The following NEURL3 variants were observed in gnomAD, a reference collection of about 807,000 sequenced individuals.
NEURL3 encodes the protein E3 ubiquitin-protein ligase NEURL3.
NEURL3 carries 19 observed loss-of-function variants against 17.6 expected under a neutral mutation model. The observed-to-expected ratio is 1.08, with a 90% CI of 0.75 to 1.58. The LOEUF (loss-of-function observed/expected upper bound fraction) is 1.58. Ranked by LOEUF, NEURL3 falls within the 40% of genes most tolerant of loss-of-function variation. NEURL3 has a pLI of 0.00. For missense variants in NEURL3, 342 were observed against 379.6 expected, an observed-to-expected ratio of 0.90 and a Z score of 0.82; for synonymous variants, 180 against 161.4, an observed-to-expected ratio of 1.11 and a Z score of -0.87.
chr2:96,504,877 C>CAAAAAAAAAAAAAAAAAAAAAAAAAAAA (rs1157285400), intron 1 of NEURL3, among the ~76,000 whole-genome samples: 3 of 55,286 alleles, frequency 5.4e-5, no homozygotes, highest in East Asian at 7.8e-4. Context: ...GACTCCGTCT[C>CAAAAAAAAAAAAAAAAAAAAAAAAAAAA]AAAAAAAAAA....
chr2:96,499,840 A>G, intron 2 of NEURL3: 1 of 197,818 alleles, frequency 5.1e-6, no homozygotes, highest in Non-Finnish European at 1.0e-5. Flanking sequence ...TTCAGGTGTG[A>G]GGCGCTGGCA....
In NEURL3 at chr2:96,498,266, A is replaced by G. The variant is rs375849675; in HGVS notation, c.767T>C (p.Leu256Pro). 11 of 1,571,016 alleles carry G rather than the reference A, an allele frequency of 7.0e-6. No homozygotes were observed. Among genetic ancestry groups the G allele is most frequent in the Admixed American group, 3.6e-5 (2 of 55,624 alleles). ...CTTTCATGAGCCTTCCTCAACCCTC[A>G]GAGCAGGAGGGCCCTGCGCAGGGGC... is the stretch of plus-strand genomic sequence containing the variant. The part of the protein sequence containing the change: ...AVAPAQGPPA[L>P]RVEEGS Residue 256 changes from leucine (L) to proline (P), a missense_variant, in exon 4 of 4, where the codon CTG (leucine) becomes CCG (proline). Physicochemically the swap from Leu to Pro is moderately conservative, Grantham distance 98. Coordinates refer to ENST00000451794, the MANE Select transcript of NEURL3 (RefSeq NM_001285485.2). The surrounding 1 kb of genome is among the most constrained non-coding windows in gnomAD (Gnocchi z 4.4).
intron 1 of NEURL3, among the ~76,000 whole-genome samples, chr2:96,502,660 G>A (rs1177801859): frequency 6.6e-6 from 1 of 152,272 alleles, no homozygotes; most frequent in Non-Finnish European, 1.5e-5. Flanking sequence ...CCTTTGGCTG[G>A]GTCACTGCCC....
rs1024088377 is a variant in NEURL3 at position 96,498,839 on chromosome 2, G to A, written c.587-393C>T. 4.6e-5 allele frequency among the ~76,000 whole-genome samples: 7 copies of A among 152,094 alleles called. No homozygotes were observed. The highest frequency in any genetic ancestry group is 7.4e-5 in the Non-Finnish European group (5 of 68,024). ...GTCATCCAGGCTGGAGTGCAGTGGT[G>A]TGATCACAGCTCACTGCAGCCTCAG... is the stretch of plus-strand genomic sequence containing the variant. On this transcript the variant is annotated intron_variant, in intron 3 of 3. Transcript: ENST00000451794. The surrounding 1 kb of genome is among the most constrained non-coding windows in gnomAD (Gnocchi z 4.4).
chr2:96,503,436 T>G (rs1189028391), intron 1 of NEURL3, among the ~76,000 whole-genome samples: 2 of 152,168 alleles, frequency 1.3e-5, no homozygotes, highest in South Asian at 4.1e-4. Context: ...TCCTCTGTGC[T>G]GCTCACTCAG....
chr2:96,500,954 C>A, intron 1 of NEURL3, 30 bp from the exon 2 acceptor site: 1 of 1,523,930 alleles, frequency 6.6e-7, no homozygotes, highest in Non-Finnish European at 8.7e-7. Flanking sequence ...AGTGTCAGTG[C>A]TAACCGGGTC....
chr2:96,497,968 AT>A lies in NEURL3; in HGVS notation c.*275del. 2.3e-6 allele frequency: 1 copy of A among 433,026 alleles called. No individual in the cohort carries two copies. The highest frequency in any genetic ancestry group is 4.1e-6 in the Non-Finnish European group (1 of 241,588). 26.8% of individuals were successfully genotyped at this position (433,026 alleles called of 1,614,324 possible). Reference sequence around the variant, plus strand: ...CTGAACTCCCTCAGATGTAAAACTGATTGGGGATTGGGCCACCCCATCTCTA... The same window carrying A: ...CTGAACTCCCTCAGATGTAAAACTGATGGGGATTGGGCCACCCCATCTCTA... On this transcript the variant is annotated 3_prime_UTR_variant, in exon 4 of 4. Coordinates refer to ENST00000451794, the MANE Select transcript of NEURL3 (RefSeq NM_001285485.2).
intron 1 of NEURL3, among the ~76,000 whole-genome samples, chr2:96,502,173 A>ACCCCTC (rs1248668092): frequency 6.6e-6 from 1 of 151,738 alleles, no homozygotes; most frequent in Non-Finnish European, 1.5e-5. Flanking sequence ...ATCCGCATTC[A>ACCCCTC]CCCCTCGCCT....
Position 96,500,472 on chromosome 2 carries a change from C to G in NEURL3, c.481G>C (p.Val161Leu), listed in dbSNP as rs772987796. ...VGAPLWAVMD[V>L]YGTTKAIELL... ...TCGATGGCCTTAGTGGTCCCATACACGTCCATCACGGCCCAGAGCGGGGCG... is the reference window on the plus strand; with the variant it reads ...TCGATGGCCTTAGTGGTCCCATACAGGTCCATCACGGCCCAGAGCGGGGCG... The change falls in exon 2 of 4, where the codon GTG becomes CTG. Residue 161 changes from valine (V) to leucine (L), a missense_variant. Val to Leu is a conservative substitution (Grantham distance 32, BLOSUM62 1). Transcript: ENST00000451794. 5.0e-6 allele frequency: 8 copies of G among 1,596,868 alleles called. No homozygotes were observed. Among genetic ancestry groups the G allele is most frequent in the Non-Finnish European group, 5.9e-6 (7 of 1,179,114 alleles).
chr2:96,498,633 T>TATTCCA lies in NEURL3; in HGVS notation c.587-193_587-188dup, dbSNP rs1327858578. Among the ~76,000 whole-genome samples, 1 of 152,140 alleles carries TATTCCA rather than the reference T, an allele frequency of 6.6e-6. No homozygotes were observed. Among genetic ancestry groups the TATTCCA allele is most frequent in the Non-Finnish European group, 1.5e-5 (1 of 68,032 alleles). On this transcript the variant is annotated intron_variant, in intron 3 of 3. Coordinates refer to ENST00000451794, the MANE Select transcript of NEURL3 (RefSeq NM_001285485.2). This position sits in a 1 kb window ranked among gnomAD's most constrained non-coding sequence, Gnocchi z 4.4. ...AAGAAAACCATTTTTTATATACATA[T>TATTCCA]ATTCCAATTCCAATTTAGAGAGAAG...
At position 96,500,608 on chromosome 2, in the gene NEURL3, G is replaced by A; in HGVS notation, c.345C>T (p.Gly115=). Residue 115 remains glycine, a synonymous_variant, in exon 2 of 4, where the codon GGC becomes GGT. Coordinates refer to ENST00000451794, the MANE Select transcript of NEURL3 (RefSeq NM_001285485.2). ...GGACCAAGTCCCCAGTGAGCGCGCA[G>A]CCCTCAGGCAGCACGGCCGCCCACG... is the stretch of plus-strand genomic sequence containing the variant. ...SPTWAAVLPE[G]CALTGDLVRF... The A allele has an allele frequency of 1.3e-6, 2 of 1,523,602 alleles. No homozygotes were observed. Among genetic ancestry groups the A allele is most frequent in the Non-Finnish European group, 1.8e-6 (2 of 1,142,168 alleles). The allele number at this position is 1,523,602 out of a possible 1,614,324, so 94.4% of individuals were successfully genotyped here.
chr2:96,498,187 G>T lies in NEURL3; in HGVS notation c.*57C>A. 1 of 1,452,432 alleles carries T rather than the reference G, an allele frequency of 6.9e-7. No homozygotes were observed. Among genetic ancestry groups the T allele is most frequent in the East Asian group, 2.5e-5 (1 of 39,848 alleles). The allele number at this position is 1,452,432 out of a possible 1,614,324, so 90.0% of individuals were successfully genotyped here. On this transcript the variant is annotated 3_prime_UTR_variant, in exon 4 of 4. Transcript: ENST00000451794. This position sits in a 1 kb window ranked among gnomAD's most constrained non-coding sequence, Gnocchi z 4.4. ...GTAGGGCTGCGCCTCCTTCCTCTCTGCAGGGGCCAGACTCAGATCTAGGCC... is the reference window on the plus strand; with the variant it reads ...GTAGGGCTGCGCCTCCTTCCTCTCTTCAGGGGCCAGACTCAGATCTAGGCC...
chr2:96,500,416 C>A (rs1471960167), intron 2 of NEURL3, 23 bp downstream of exon 2: 6 of 1,596,282 alleles, frequency 3.8e-6, no homozygotes, highest in East Asian at 2.2e-5. Context: ...ACCTCCCCTG[C>A]GGGGTCCCCA....
At position 96,498,467 on chromosome 2, in the gene NEURL3, G is replaced by A. The variant is rs779179979; in HGVS notation, c.587-21C>T. 1 of 1,578,150 alleles carries A rather than the reference G, an allele frequency of 6.3e-7. No individual in the cohort carries two copies. Among genetic ancestry groups the A allele is most frequent in the South Asian group, 1.1e-5 (1 of 90,022 alleles). ...TGTGGCTGGAAGAGGGAGCAACACA[G>A]GTCAGGGCACATGGGGGAAGGGGTG... On this transcript the variant is annotated intron_variant, in intron 3 of 3. Transcript: ENST00000451794. This position sits in a 1 kb window ranked among gnomAD's most constrained non-coding sequence, Gnocchi z 4.4.
chr2:96,498,659 G>A lies in NEURL3; in HGVS notation c.587-213C>T, dbSNP rs570309042. Among the ~76,000 whole-genome samples the A allele has an allele frequency of 2.0e-5, 3 of 152,132 alleles. No individual in the cohort carries two copies. The highest frequency in any genetic ancestry group is 4.4e-5 in the Non-Finnish European group (3 of 68,042). ...ATTCCAATTCCAATTTAGAGAGAAG[G>A]AAAACGCAGCACAGACAAGTCCCTA... On this transcript the variant is annotated intron_variant, in intron 3 of 3. Coordinates refer to ENST00000451794, the MANE Select transcript of NEURL3 (RefSeq NM_001285485.2). This position sits in a 1 kb window ranked among gnomAD's most constrained non-coding sequence, Gnocchi z 4.4.
In NEURL3 at chr2:96,499,113, T is replaced by G. The variant is rs2065472094; in HGVS notation, c.586+265A>C. ...TCTTTATTTCCATTGGCAAAGCATTTACAATGAATGTGGATGATTTTTTAA... is the reference window on the plus strand; with the variant it reads ...TCTTTATTTCCATTGGCAAAGCATTGACAATGAATGTGGATGATTTTTTAA... On this transcript the variant is annotated intron_variant, in intron 3 of 3. Coordinates refer to ENST00000451794, the MANE Select transcript of NEURL3 (RefSeq NM_001285485.2). 3.5e-6 allele frequency: 4 copies of G among 1,152,038 alleles called. No individual in the cohort carries two copies. In the Admixed American group the frequency reaches 1.0e-4, roughly 30 times the overall value. The allele number at this position is 1,152,038 out of a possible 1,614,324, so 71.4% of individuals were successfully genotyped here. A position where few individuals can be genotyped will look rare whatever the true frequency, so the allele number is the denominator to read the frequency against.
chr2:96,504,096 A>G (rs1429216103), intron 1 of NEURL3, among the ~76,000 whole-genome samples: 1 of 152,128 alleles, frequency 6.6e-6, no homozygotes, highest in African/African-American at 2.4e-5. Context: ...TCTCTACTCC[A>G]GGACAGGTAG....
chr2:96,498,210 G>A lies in NEURL3; in HGVS notation c.*34C>T, dbSNP rs371535552. 9.3e-6 allele frequency: 14 copies of A among 1,507,472 alleles called. No individual in the cohort carries two copies. The highest frequency in any genetic ancestry group is 2.3e-4 in the Middle Eastern group (1 of 4,296). The allele number at this position is 1,507,472 out of a possible 1,614,324, so 93.4% of individuals were successfully genotyped here. ...CTGCAGGGGCCAGACTCAGATCTAG[G>A]CCCGGGCTGCCACTCATACTGGGAA... On this transcript the variant is annotated 3_prime_UTR_variant, in exon 4 of 4. Coordinates refer to ENST00000451794, the MANE Select transcript of NEURL3 (RefSeq NM_001285485.2). This position sits in a 1 kb window ranked among gnomAD's most constrained non-coding sequence, Gnocchi z 4.4.
At chr2:96,500,987 A>G in intron 1 of NEURL3, 63 bp from the exon 2 acceptor site, 1 of 1,434,710 alleles carries the variant, frequency 7.0e-7, no homozygotes, top group Non-Finnish European at 9.1e-7. Flanking sequence ...CTCCCCAGAG[A>G]GCCCCCAGTA....
Sources: gnomAD v4.1 joint callset for allele counts (sites outside exome capture counted in the v4.1 genomes callset) on GRCh38, gnomAD v4.1.1 for gene constraint, Gnocchi (gnomAD v3.1) non-coding constraint, MANE v1.5 for transcripts, NCBI Gene and HGNC (gene_info 2026-07-23, HGNC 2026-07-21) for gene names.